The following RPH3A variants were observed in gnomAD, a reference collection of about 807,000 sequenced individuals.
RPH3A encodes rabphilin-3A.
RPH3A carries 48 observed loss-of-function variants against 102.2 expected under a neutral mutation model. That is an observed-to-expected ratio of 0.47 (90% CI 0.37 to 0.60). The LOEUF (loss-of-function observed/expected upper bound fraction) is 0.60. Ranked by LOEUF, RPH3A falls within the 20% of genes least tolerant of loss-of-function variation. RPH3A has a pLI of 0.00. For synonymous variants in RPH3A, 310 were observed against 324.3 expected (o/e 0.96, Z 0.47); for missense variants, 781 against 910.1 (o/e 0.86, Z 1.83).
chr12:112,694,899 A>G (rs1187156556), intron 1 of RPH3A: 1 of 169,372 alleles, frequency 5.9e-6, no homozygotes, highest in Non-Finnish European at 1.5e-5. Context: ...ACCTGGCACC[A>G]TTGTGAAAAT....
intron 1 of RPH3A, among the ~76,000 whole-genome samples, chr12:112,765,380 A>G (rs1306653942): frequency 6.6e-6 from 1 of 151,930 alleles, no homozygotes; most frequent in Non-Finnish European, 1.5e-5. Flanking sequence ...CTTGTGAGTT[A>G]TTTTTGCCCA....
At chr12:112,577,067 G>A (rs1212486503) in intron 1 of RPH3A, among the ~76,000 whole-genome samples, 5 of 151,934 alleles carry the variant, frequency 3.3e-5, no homozygotes, top group East Asian at 1.9e-4. Context: ...CACTGTTACC[G>A]GAAAGGGATT....
rs2136280622 is a variant in RPH3A, at chr12:112,898,222, TA to T, written c.*1443del. 6.6e-6 allele frequency: 1 copy of T among 152,300 alleles called. No homozygotes were observed. Among genetic ancestry groups the T allele is most frequent in the East Asian group, 1.9e-4 (1 of 5,186 alleles). The allele number at this position is 152,300 out of a possible 1,614,324, so 9.4% of individuals were successfully genotyped here. A position where few individuals can be genotyped will look rare whatever the true frequency, so the allele number is the denominator to read the frequency against. The stretch of plus-strand genomic sequence containing the variant: ...TTCACTTTCTTCCTATAAAAAAAAT[TA>T]TTTTATAAAGGAGGAAAAGGCAATG... On this transcript the variant is annotated 3_prime_UTR_variant, in exon 22 of 22. Coordinates refer to ENST00000389385, the MANE Select transcript of RPH3A (RefSeq NM_001143854.2).
rs1290966589 is a variant in RPH3A at position 112,588,569 on chromosome 12, G to T, written c.-140+13250G>T. Among the ~76,000 whole-genome samples, 3 of 152,202 alleles carry T rather than the reference G, an allele frequency of 2.0e-5. No homozygotes were observed. In the East Asian group the frequency reaches 5.8e-4, roughly 29 times the overall value. ...AGCTACAATTCAAGACGACATTTGG[G>T]TGGAGACACAGCCAAATCATATCAA... is the stretch of plus-strand genomic sequence containing the variant. On this transcript the variant is annotated intron_variant, in intron 1 of 21. Transcript: ENST00000543106.
rs58023074 is a variant in RPH3A at position 112,845,770 on chromosome 12, T to C, written c.84-1926T>C. Among the ~76,000 whole-genome samples the C allele has an allele frequency of 4.9e-3, 753 of 152,316 alleles. 5 individuals carry two copies. The highest frequency in any genetic ancestry group is 0.018 in the African/African-American group (741 of 41,556). ...CCAGGGCCAGATAAGGTCCGTGCCA[T>C]CCTGTAATCTATGTTCTGGTGGGAG... On this transcript the variant is annotated intron_variant, in intron 4 of 21. Transcript: ENST00000389385.
chr12:112,647,590 GGTGTGTGTGTGTGTATGTGTGTGT>G (rs1322279857), intron 1 of RPH3A, among the ~76,000 whole-genome samples: 1 of 140,550 alleles, frequency 7.1e-6, no homozygotes, highest in Non-Finnish European at 1.6e-5. Flanking sequence ...GGCTAGAGAG[GGTGTGTGTGTGTGTATGTGTGTGT>G]GTGTGTGTGT....
intron 1 of RPH3A, among the ~76,000 whole-genome samples, chr12:112,785,104 C>G (rs2041037859): frequency 6.6e-6 from 1 of 152,220 alleles, no homozygotes; most frequent in East Asian, 1.9e-4. Flanking sequence ...TGCCTCTAAT[C>G]CCAGCTACTT....
intron 1 of RPH3A, among the ~76,000 whole-genome samples, chr12:112,773,651 G>T (rs1338596986): frequency 6.6e-6 from 1 of 151,350 alleles, no homozygotes; most frequent in African/African-American, 2.4e-5. Context: ...TTCCATTTTT[G>T]CACTTCCTGG....
chr12:112,587,590 A>C (rs1222794071), intron 1 of RPH3A, among the ~76,000 whole-genome samples: 1 of 151,994 alleles, frequency 6.6e-6, no homozygotes, highest in African/African-American at 2.4e-5. Flanking sequence ...TGGCTCTCTT[A>C]TTTCATTCAG....
chr12:112,833,431 ATTAC>A (rs1344803208), intron 3 of RPH3A, among the ~76,000 whole-genome samples: 1 of 152,140 alleles, frequency 6.6e-6, no homozygotes, highest in Non-Finnish European at 1.5e-5. Context: ...TTCATTCATA[ATTAC>A]TTGCGCTTTG....
At chr12:112,782,503 C>T (rs2041016799) in intron 1 of RPH3A, among the ~76,000 whole-genome samples, 1 of 152,170 alleles carries the variant, frequency 6.6e-6, no homozygotes, top group Non-Finnish European at 1.5e-5. Context: ...GATGGTATCC[C>T]TTTTCCGTCT....
chr12:112,648,570 CAAAAAAAAA>C (rs1167121829), intron 1 of RPH3A, among the ~76,000 whole-genome samples: 2 of 11,044 alleles, frequency 1.8e-4, no homozygotes, highest in Non-Finnish European at 3.0e-4. Flanking sequence ...CCCATCTCTA[CAAAAAAAAA>C]AAAAAAAAAA....
Position 112,891,019 on chromosome 12 carries a change from G to A in RPH3A, c.1775+16G>A. On this transcript the variant is annotated intron_variant, in intron 19 of 21. Transcript: ENST00000389385. The stretch of plus-strand genomic sequence containing the variant: ...TCGTCAAGCTGTAAGTCAATGCCTT[G>A]GGGCTACAGGTGGGCCCTGAAGGAG... 1 of 1,613,818 alleles carries A rather than the reference G, an allele frequency of 6.2e-7. No individual in the cohort carries two copies. The highest frequency in any genetic ancestry group is 8.5e-7 in the Non-Finnish European group (1 of 1,179,882).
chr12:112,876,687 A>C lies in RPH3A; in HGVS notation c.992A>C (p.Glu331Ala). 6.2e-7 allele frequency: 1 copy of C among 1,612,396 alleles called. No homozygotes were observed. The highest frequency in any genetic ancestry group is 8.5e-7 in the Non-Finnish European group (1 of 1,179,260). The change falls in exon 13 of 22, where the codon GAG becomes GCG. Residue 331 changes from glutamate to alanine, a missense_variant. Glu to Ala is a moderately radical substitution (Grantham distance 107, BLOSUM62 -1). Transcript: ENST00000389385. Reference sequence around the variant, plus strand: ...GGGACCACTGCCCCACCCCGAGAGGAGAGAACAGGGGGAGTCGGGGGCTAC... The same window carrying C: ...GGGACCACTGCCCCACCCCGAGAGGCGAGAACAGGGGGAGTCGGGGGCTAC... ...DPGTTAPPRE[E>A]RTGGVGGYPA...
intron 1 of RPH3A, among the ~76,000 whole-genome samples, chr12:112,707,246 C>T (rs1337308877): frequency 6.6e-6 from 1 of 152,172 alleles, no homozygotes; most frequent in Admixed American, 6.5e-5. Flanking sequence ...CTGTGTGGCC[C>T]TAGGTAAGTT....
intron 3 of RPH3A, among the ~76,000 whole-genome samples, chr12:112,833,907 A>T (rs1029923493): frequency 1.3e-5 from 2 of 151,782 alleles, no homozygotes; most frequent in South Asian, 2.1e-4. Flanking sequence ...GTTTTTTTTT[A>T]AATAGAGATG....
chr12:112,716,758 T>C (rs2040515589), intron 1 of RPH3A, among the ~76,000 whole-genome samples: 1 of 152,220 alleles, frequency 6.6e-6, no homozygotes, highest in South Asian at 2.1e-4. Context: ...GGAGGAAAGA[T>C]GTTGGGGGAC....
At chr12:112,737,876 A>C (rs964959687) in intron 1 of RPH3A, among the ~76,000 whole-genome samples, 1 of 152,188 alleles carries the variant, frequency 6.6e-6, no homozygotes, top group African/African-American at 2.4e-5. Context: ...GTGAGGAGCT[A>C]AGTACCAAAA....
At chr12:112,779,119 A>T (rs1206168239) in intron 1 of RPH3A, among the ~76,000 whole-genome samples, 3 of 152,138 alleles carry the variant, frequency 2.0e-5, no homozygotes, top group Admixed American at 2.0e-4. Context: ...ATGTGCTAGG[A>T]TTTGATTAGG....
Sources: allele counts gnomAD v4.1 joint callset (sites outside exome capture counted in the v4.1 genomes callset), GRCh38; gene constraint gnomAD v4.1.1; transcripts MANE v1.5; gene names NCBI Gene and HGNC (gene_info 2026-07-23, HGNC 2026-07-21).